Variants in UGT2B28 observed in about 807,000 individuals in gnomAD.
UGT2B28 encodes UDP-glucuronosyltransferase 2B28.
Under a neutral mutation model 43.6 loss-of-function variants are expected in UGT2B28, and 45 were observed. The ratio of observed to expected loss-of-function variants is 1.03; its 90% confidence interval spans 0.81 to 1.32. UGT2B28 has a LOEUF of 1.32. Among genes scored for constraint, UGT2B28 ranks in the 40% most tolerant of loss-of-function variants. The probability of loss-of-function intolerance (pLI) is 0.00; values close to 1 mark genes in which losing one functional copy is unlikely to be tolerated. For missense variants in UGT2B28, 649 were observed against 625.5 expected (o/e 1.04, Z -0.40); for synonymous variants, 204 against 208.1 (o/e 0.98, Z 0.17).
intron 1 of UGT2B28, among the ~76,000 whole-genome samples, 187 bp downstream of exon 1, chr4:69,281,408 A>T (rs1723605526): frequency 7.1e-6 from 1 of 140,156 alleles, no homozygotes. Context: ...GTCTGTTAAA[A>T]CCCTGTGGCC....
chr4:69,290,556 C>T lies in UGT2B28; in HGVS notation c.1091-36C>T, dbSNP rs753709114. 98 of 1,533,386 alleles carry T rather than the reference C, an allele frequency of 6.4e-5. 12 individuals carry two copies. Among genetic ancestry groups the T allele is most frequent in the Non-Finnish European group, 8.4e-5 (95 of 1,134,208 alleles). The allele number at this position is 1,533,386 out of a possible 1,614,324, so 95.0% of individuals were successfully genotyped here. On this transcript the variant is annotated intron_variant, in intron 4 of 5. Coordinates refer to ENST00000335568, the MANE Select transcript of UGT2B28 (RefSeq NM_053039.2). ...TTTCATTGTGTATCGCATTTTATTC[C>T]TATGAATAATTTTGCTAAAATTCAT...
At chr4:69,286,432 T>C (rs1723777023) in intron 2 of UGT2B28, among the ~76,000 whole-genome samples, 1 of 140,436 alleles carries the variant, frequency 7.1e-6, no homozygotes, top group Non-Finnish European at 1.5e-5. Flanking sequence ...ATTATAGTAT[T>C]ATAAGTGAAG....
At chr4:69,285,290 T>C (rs1411208991) in intron 2 of UGT2B28, among the ~76,000 whole-genome samples, 1 of 140,894 alleles carries the variant, frequency 7.1e-6, no homozygotes, top group Non-Finnish European at 1.5e-5. Flanking sequence ...AGAAAAATTA[T>C]TTTTTAAAAC....
chr4:69,294,920 A>C lies in UGT2B28; in HGVS notation c.*111A>C. On this transcript the variant is annotated 3_prime_UTR_variant, in exon 6 of 6. Coordinates refer to ENST00000335568, the MANE Select transcript of UGT2B28 (RefSeq NM_053039.2). ...GATTTCTTTCTTCCTGTGACAAAAA[A>C]AAAAACTTTTCAAAATCTACCTTGT... 1 of 1,336,898 alleles carries C rather than the reference A, an allele frequency of 7.5e-7. No individual in the cohort carries two copies. The highest frequency in any genetic ancestry group is 9.7e-7 in the Non-Finnish European group (1 of 1,034,488). The allele number at this position is 1,336,898 out of a possible 1,614,324, so 82.8% of individuals were successfully genotyped here. A position where few individuals can be genotyped will look rare whatever the true frequency, so the allele number is the denominator to read the frequency against.
chr4:69,289,410 A>G lies in UGT2B28; in HGVS notation c.1003-255A>G, dbSNP rs1048958189. On this transcript the variant is annotated intron_variant, in intron 3 of 5. Transcript: ENST00000335568. ...AGGTCTTTTTTTAAAAAGTGTAACA[A>G]TTTTTTGAATATTTGAACTTTTCAT... Among the ~76,000 whole-genome samples, 9 of 140,388 alleles carry G rather than the reference A, an allele frequency of 6.4e-5. 1 individual carries two copies. In the Admixed American group the frequency reaches 6.4e-4, roughly 10 times the overall value. 92.1% of individuals were successfully genotyped at this position (140,388 alleles called of 152,430 possible). A position where few individuals can be genotyped will look rare whatever the true frequency, so the allele number is the denominator to read the frequency against.
chr4:69,284,885 G>A lies in UGT2B28; in HGVS notation c.871-1867G>A, dbSNP rs868378231. ...ACTGCATCAAGTGTTTTAAAAATGC[G>A]TATTGTTATTAATTTTATAATATAT... is the stretch of plus-strand genomic sequence containing the variant. On this transcript the variant is annotated intron_variant, in intron 2 of 5. Coordinates refer to ENST00000335568, the MANE Select transcript of UGT2B28 (RefSeq NM_053039.2). Among the ~76,000 whole-genome samples the A allele has an allele frequency of 1.2e-4, 17 of 139,464 alleles. 4 individuals carry two copies. The highest frequency in any genetic ancestry group is 6.5e-4 in the Admixed American group (9 of 13,862). 91.5% of individuals were successfully genotyped at this position (139,464 alleles called of 152,430 possible).
chr4:69,290,126 CTG>C (rs1723909291), intron 4 of UGT2B28, among the ~76,000 whole-genome samples: 2 of 139,796 alleles, frequency 1.4e-5, no homozygotes, highest in African/African-American at 5.6e-5. Context: ...ACCAGTGACT[CTG>C]TATTATCTGG....
chr4:69,282,646 C>T lies in UGT2B28; in HGVS notation c.854C>T (p.Ala285Val), dbSNP rs1210060027. ...GTTGGAGGACTCCACTGCAAACCTG[C>T]CAAACCCCTACCTAAGGTAAACATA... Reference protein sequence around the residue: ...DFVGGLHCKPAKPLPKEMEEF... With the variant: ...DFVGGLHCKPVKPLPKEMEEF... Residue 285 changes from alanine (A) to valine (V), a missense_variant, in exon 2 of 6, where the codon GCC becomes GTC. Transcript: ENST00000335568. 6.5e-7 allele frequency: 1 copy of T among 1,549,866 alleles called. No individual in the cohort carries two copies. The highest frequency in any genetic ancestry group is 1.2e-5 in the South Asian group (1 of 82,318).
In UGT2B28 at chr4:69,280,516, A is replaced by T. The variant is rs758951418; in HGVS notation, c.16A>T (p.Thr6Ser). The change falls in exon 1 of 6, where the codon ACT (threonine) becomes TCT (serine). Residue 6 changes from threonine to serine, a missense_variant. By Grantham distance (58) the Thr-to-Ser change is moderately conservative (BLOSUM62 1). Coordinates refer to ENST00000335568, the MANE Select transcript of UGT2B28 (RefSeq NM_053039.2). ...TTGCACCAGGATGGCTCTGAAGTGG[A>T]CTTCAGTTCTTCTGCTGATACATCT... MALKW[T>S]SVLLLIHLGC... 2.6e-6 allele frequency: 4 copies of T among 1,554,988 alleles called. No homozygotes were observed. The highest frequency in any genetic ancestry group is 3.5e-6 in the Non-Finnish European group (4 of 1,153,938).
intron 1 of UGT2B28, among the ~76,000 whole-genome samples, chr4:69,282,149 T>A (rs1276733678): frequency 7.2e-6 from 1 of 139,268 alleles, no homozygotes; most frequent in Non-Finnish European, 1.5e-5. Context: ...GTAGAATTAA[T>A]TGATTATGGA....
In UGT2B28 at chr4:69,293,636, G is replaced by A. The variant is rs534550354; in HGVS notation, c.1311-894G>A. 9.5e-4 allele frequency among the ~76,000 whole-genome samples: 132 copies of A among 139,574 alleles called. 26 individuals are homozygous for A. Among genetic ancestry groups the A allele is most frequent in the Non-Finnish European group, 7.3e-4 (48 of 65,584 alleles). The allele number at this position is 139,574 out of a possible 152,430, so 91.6% of individuals were successfully genotyped here. On this transcript the variant is annotated intron_variant, in intron 5 of 5. Transcript: ENST00000335568. ...GCAAGAAAGAGTACTCCAAGAGCAG[G>A]AGAGAAGGAACAAAATGTGTAAAGT...
In UGT2B28 at chr4:69,280,543, G is replaced by T. The variant is rs201995622; in HGVS notation, c.43G>T (p.Gly15Cys). Residue 15 changes from glycine to cysteine, a missense_variant, in exon 1 of 6, where the codon GGT becomes TGT. Gly to Cys is a radical substitution (Grantham distance 159). Transcript: ENST00000335568. Reference protein sequence around the residue: ...WTSVLLLIHLGCYFSSGSCGK... With the variant: ...WTSVLLLIHLCCYFSSGSCGK... ...TTCAGTTCTTCTGCTGATACATCTC[G>T]GTTGTTACTTTAGCTCTGGGAGTTG... 3 of 1,559,332 alleles carry T rather than the reference G, an allele frequency of 1.9e-6. No homozygotes were observed. Among genetic ancestry groups the T allele is most frequent in the Middle Eastern group, 1.7e-4 (1 of 5,836 alleles).
chr4:69,281,897 A>C lies in UGT2B28; in HGVS notation c.722-617A>C, dbSNP rs1170343724. Among the ~76,000 whole-genome samples the C allele has an allele frequency of 2.1e-5, 3 of 140,730 alleles. 1 individual carries two copies. The highest frequency in any genetic ancestry group is 8.3e-5 in the African/African-American group (3 of 36,196). The allele number at this position is 140,730 out of a possible 152,430, so 92.3% of individuals were successfully genotyped here. The stretch of plus-strand genomic sequence containing the variant: ...TTTATTTAAAAATATGAGACAGATT[A>C]AGGTTGAGTACAGATCTCTATTTCA... On this transcript the variant is annotated intron_variant, in intron 1 of 5. Coordinates refer to ENST00000335568, the MANE Select transcript of UGT2B28 (RefSeq NM_053039.2).
chr4:69,290,793 C>T lies in UGT2B28; in HGVS notation c.1292C>T (p.Thr431Ile), dbSNP rs1422508112. Residue 431 changes from threonine to isoleucine, a missense_variant, in exon 5 of 6, where the codon ACA becomes ATA. By Grantham distance (89) the Thr-to-Ile change is moderately conservative (BLOSUM62 -1). Transcript: ENST00000335568. ...SSTDLLNALK[T>I]VINDPSYKEN... ...ACAGACCTGCTGAATGCACTGAAGA[C>T]AGTAATTAATGATCCTTCGTGAGTA... is the stretch of plus-strand genomic sequence containing the variant. 2.6e-6 allele frequency: 4 copies of T among 1,559,284 alleles called. No individual in the cohort carries two copies. Among genetic ancestry groups the T allele is most frequent in the Admixed American group, 1.8e-5 (1 of 56,326 alleles).
At chr4:69,283,221 G>A (rs1186381671) in intron 2 of UGT2B28, among the ~76,000 whole-genome samples, 1 of 138,750 alleles carries the variant, frequency 7.2e-6, no homozygotes, top group Non-Finnish European at 1.5e-5. Flanking sequence ...GGGAGAGGCA[G>A]ACAAAAAGGG....
chr4:69,284,460 A>G (rs573215539), intron 2 of UGT2B28, among the ~76,000 whole-genome samples: 1 of 140,344 alleles, frequency 7.1e-6, no homozygotes, highest in Non-Finnish European at 1.5e-5. Flanking sequence ...CTCAGTATCT[A>G]TGTTTAATGC....
Position 69,294,661 on chromosome 4 carries a change from G to A in UGT2B28, c.1442G>A (p.Arg481His), listed in dbSNP as rs186660795. Residue 481 changes from arginine (R) to histidine (H), a missense_variant, in exon 6 of 6, where the codon CGT becomes CAT. Physicochemically the swap from Arg to His is conservative, Grantham distance 29. Coordinates refer to ENST00000335568, the MANE Select transcript of UGT2B28 (RefSeq NM_053039.2). ...KGAKHLRVAA[R>H]DLTWFQYHSL... ...GCCAAACACCTTCGAGTTGCAGCCC[G>A]TGACCTCACCTGGTTCCAGTACCAC... 1.1e-4 allele frequency: 169 copies of A among 1,560,140 alleles called. 29 individuals are homozygous for A. The East Asian group carries it at 2.9e-3, about 27-fold the overall frequency.
Position 69,281,355 on chromosome 4 carries a change from T to A in UGT2B28, c.721+134T>A, listed in dbSNP as rs1723603844. On this transcript the variant is annotated intron_variant, in intron 1 of 5. Transcript: ENST00000335568. ...TTTATGAAATGAAAATACAAGATGA[T>A]CTATCAATCTCACAAACATTATAGA... The A allele has an allele frequency of 4.5e-6, 5 of 1,104,754 alleles. 1 individual carries two copies. The highest frequency in any genetic ancestry group is 6.0e-6 in the Non-Finnish European group (5 of 836,578). 68.4% of individuals were successfully genotyped at this position (1,104,754 alleles called of 1,614,324 possible).
chr4:69,291,435 T>C lies in UGT2B28; in HGVS notation c.1310+624T>C, dbSNP rs1266450170. Among the ~76,000 whole-genome samples, 2 of 140,982 alleles carry C rather than the reference T, an allele frequency of 1.4e-5. 1 individual carries two copies. The highest frequency in any genetic ancestry group is 3.0e-5 in the Non-Finnish European group (2 of 65,816). The allele number at this position is 140,982 out of a possible 152,430, so 92.5% of individuals were successfully genotyped here. A position where few individuals can be genotyped will look rare whatever the true frequency, so the allele number is the denominator to read the frequency against. ...AACACCAATTTGTTTTCTTTCTCTATAAGTTATTCTCTCTAGATATTTCAT... is the reference window on the plus strand; with the variant it reads ...AACACCAATTTGTTTTCTTTCTCTACAAGTTATTCTCTCTAGATATTTCAT... On this transcript the variant is annotated intron_variant, in intron 5 of 5. Transcript: ENST00000335568.
Sources: allele counts gnomAD v4.1 joint callset (sites outside exome capture counted in the v4.1 genomes callset), GRCh38; gene constraint gnomAD v4.1.1; transcripts MANE v1.5; gene names NCBI Gene and HGNC (gene_info 2026-07-23, HGNC 2026-07-21).